Variants in VGLL3 observed in about 807,000 individuals in gnomAD.
VGLL3 encodes the protein transcription cofactor vestigial-like protein 3.
A neutral mutation model predicts 29.2 loss-of-function variants in VGLL3; 18 were observed. The observed-to-expected ratio is 0.62, with a 90% confidence interval of 0.43 to 0.91. VGLL3 has a LOEUF of 0.91. VGLL3 is among the 40% of genes least tolerant of loss of function. The probability of loss-of-function intolerance (pLI) is 0.00; values close to 1 mark genes in which losing one functional copy is unlikely to be tolerated. For missense variants in VGLL3, 440 were observed against 413.2 expected (o/e 1.06, Z -0.56); for synonymous variants, 180 against 151.8 (o/e 1.19, Z -1.36).
rs1351910079 is a variant in VGLL3, at chr3:86,981,081, T to A, written c.127-2279A>T. Among the ~76,000 whole-genome samples the A allele has an allele frequency of 2.6e-5, 4 of 152,122 alleles. No individual in the cohort carries two copies. The South Asian group carries it at 8.3e-4, about 31-fold the overall frequency. On this transcript the variant is annotated intron_variant, in intron 1 of 3. Transcript: ENST00000398399. ...AGTCAAAGTTTTATTTTATCCTTAA[T>A]TGACAGCAATTAATTCTTAGATGAA...
chr3:86,969,389 A>G (rs1705041989), intron 2 of VGLL3, among the ~76,000 whole-genome samples: 1 of 152,158 alleles, frequency 6.6e-6, no homozygotes, highest in Admixed American at 6.5e-5. Context: ...GTCTGTGCTA[A>G]GGTTTGCAAT....
At chr3:86,959,604 G>T (rs919811858) in intron 3 of VGLL3, among the ~76,000 whole-genome samples, 3 of 152,042 alleles carry the variant, frequency 2.0e-5, no homozygotes, top group African/African-American at 7.2e-5. Flanking sequence ...TCATTGTAAA[G>T]CCTGGAATTG....
rs1704363245 is a variant in VGLL3 at position 86,940,158 on chromosome 3, G to A, written c.*6866C>T. 6.6e-6 allele frequency: 1 copy of A among 152,118 alleles called. No individual in the cohort carries two copies. The highest frequency in any genetic ancestry group is 2.4e-5 in the African/African-American group (1 of 41,434). The allele number at this position is 152,118 out of a possible 1,614,324, so 9.4% of individuals were successfully genotyped here. A position where few individuals can be genotyped will look rare whatever the true frequency, so the allele number is the denominator to read the frequency against. On this transcript the variant is annotated 3_prime_UTR_variant, in exon 4 of 4. Transcript: ENST00000398399. ...TTTAGTACTTTCACATTAAAGATAC[G>A]TGTAATAAGAAAATTGAAGGCCCAC...
In VGLL3 at chr3:86,946,510, G is replaced by T. The variant is rs537310663; in HGVS notation, c.*514C>A. ...AAGCATTTTAAACATTTTTGCCAGTGCTTCTCTGAGAGCAAGTTCTTTAAA... is the reference window on the plus strand; with the variant it reads ...AAGCATTTTAAACATTTTTGCCAGTTCTTCTCTGAGAGCAAGTTCTTTAAA... On this transcript the variant is annotated 3_prime_UTR_variant, in exon 4 of 4. Coordinates refer to ENST00000398399, the MANE Select transcript of VGLL3 (RefSeq NM_016206.4). 2.6e-5 allele frequency: 4 copies of T among 152,360 alleles called. No individual in the cohort carries two copies. Among genetic ancestry groups the T allele is most frequent in the African/African-American group, 9.6e-5 (4 of 41,556 alleles). 9.4% of individuals were successfully genotyped at this position (152,360 alleles called of 1,614,324 possible).
At chr3:86,973,270 A>T (rs1303314632) in intron 2 of VGLL3, among the ~76,000 whole-genome samples, 1 of 152,224 alleles carries the variant, frequency 6.6e-6, no homozygotes, top group Non-Finnish European at 1.5e-5. Flanking sequence ...CAGAAAACAC[A>T]TTAGAATCAA....
Position 86,962,472 on chromosome 3 carries a change from T to C in VGLL3, c.937+6118A>G, listed in dbSNP as rs1021830904. ...AATGGACCACCTTACTTCATTCCTA[T>C]GGCAGTTTTGCCTACCAAACCTCAA... On this transcript the variant is annotated intron_variant, in intron 3 of 3. Coordinates refer to ENST00000398399, the MANE Select transcript of VGLL3 (RefSeq NM_016206.4). 8.1e-6 allele frequency: 8 copies of C among 985,304 alleles called. No homozygotes were observed. The African/African-American group carries it at 1.2e-4, about 15-fold the overall frequency. 61.0% of individuals were successfully genotyped at this position (985,304 alleles called of 1,614,324 possible).
chr3:86,987,789 C>T lies in VGLL3; in HGVS notation c.126+2829G>A, dbSNP rs1467082821. Among the ~76,000 whole-genome samples, 7 of 150,908 alleles carry T rather than the reference C, an allele frequency of 4.6e-5. No individual in the cohort carries two copies. In the East Asian group the frequency reaches 1.4e-3, roughly 29 times the overall value. On this transcript the variant is annotated intron_variant, in intron 1 of 3. Coordinates refer to ENST00000398399, the MANE Select transcript of VGLL3 (RefSeq NM_016206.4). Reference sequence around the variant, plus strand: ...TAGCCCACTGTATACCTAAGTAACACACTGCAGTGCAAGCTAATATATATA... The same window carrying T: ...TAGCCCACTGTATACCTAAGTAACATACTGCAGTGCAAGCTAATATATATA...
intron 3 of VGLL3, among the ~76,000 whole-genome samples, chr3:86,960,171 A>G (rs1704808200): frequency 6.6e-6 from 1 of 152,032 alleles, no homozygotes; most frequent in Non-Finnish European, 1.5e-5. Flanking sequence ...GTATATAACA[A>G]TTTTGAGAAC....
At chr3:86,983,375 TA>T (rs1705369707) in intron 1 of VGLL3, among the ~76,000 whole-genome samples, 1 of 152,144 alleles carries the variant, frequency 6.6e-6, no homozygotes, top group South Asian at 2.1e-4. Context: ...TGACCATATA[TA>T]TTTTTTTTCT....
intron 3 of VGLL3, chr3:86,962,997 A>G: frequency 4.2e-6 from 1 of 236,598 alleles, no homozygotes; most frequent in Non-Finnish European, 9.1e-6. Flanking sequence ...CAGGTGGCTG[A>G]GGCAGGACAA....
Position 86,941,685 on chromosome 3 carries a change from T to C in VGLL3, c.*5339A>G, listed in dbSNP as rs1459392736. On this transcript the variant is annotated 3_prime_UTR_variant, in exon 4 of 4. Coordinates refer to ENST00000398399, the MANE Select transcript of VGLL3 (RefSeq NM_016206.4). ...AGTATTTTTAAACAAAAAAGCACAATAGACAATAAAAGAAATAGAAAAGTT... is the reference window on the plus strand; with the variant it reads ...AGTATTTTTAAACAAAAAAGCACAACAGACAATAAAAGAAATAGAAAAGTT... 1 of 151,882 alleles carries C rather than the reference T, an allele frequency of 6.6e-6. No homozygotes were observed. The highest frequency in any genetic ancestry group is 1.5e-5 in the Non-Finnish European group (1 of 67,960). 9.4% of individuals were successfully genotyped at this position (151,882 alleles called of 1,614,324 possible).
chr3:86,981,971 C>T (rs1216085745), intron 1 of VGLL3, among the ~76,000 whole-genome samples: 1 of 152,126 alleles, frequency 6.6e-6, no homozygotes, highest in Non-Finnish European at 1.5e-5. Flanking sequence ...AATTTGCATA[C>T]TTGTTTTTAA....
At chr3:86,962,435 C>A (rs1404566962) in intron 3 of VGLL3, 4 of 985,164 alleles carry the variant, frequency 4.1e-6, no homozygotes, top group Non-Finnish European at 4.8e-6. Flanking sequence ...CACCACTCAG[C>A]CCTTCGGAAA....
chr3:86,961,176 T>C (rs577269097), intron 3 of VGLL3, among the ~76,000 whole-genome samples: 1 of 152,168 alleles, frequency 6.6e-6, no homozygotes, highest in South Asian at 2.1e-4. Flanking sequence ...GATCTACAGA[T>C]GAATACAATC....
intron 3 of VGLL3, among the ~76,000 whole-genome samples, chr3:86,955,626 G>C (rs2106976411): frequency 6.6e-6 from 1 of 152,108 alleles, no homozygotes; most frequent in South Asian, 2.1e-4. Context: ...CCTGACCTCA[G>C]GTGATCCACC....
intron 3 of VGLL3, among the ~76,000 whole-genome samples, chr3:86,965,433 A>G (rs751352471): frequency 3.9e-5 from 6 of 152,098 alleles, no homozygotes; most frequent in African/African-American, 7.2e-5. Flanking sequence ...GAGGGACCCA[A>G]CTTTCACTGT....
At chr3:86,957,438 C>A (rs139419413) in intron 3 of VGLL3, among the ~76,000 whole-genome samples, 56 of 152,254 alleles carry the variant, frequency 3.7e-4, no homozygotes, top group African/African-American at 1.3e-3. Context: ...TCGTAATGAA[C>A]CATATCTCAG....
intron 1 of VGLL3, among the ~76,000 whole-genome samples, chr3:86,982,227 C>A (rs1326788075): frequency 2.0e-5 from 3 of 152,234 alleles, no homozygotes; most frequent in African/African-American, 4.8e-5. Context: ...TCACTGCAAC[C>A]TCCGCCTCCC....
At position 86,958,844 on chromosome 3, in the gene VGLL3, T is replaced by A. The variant is rs78779637; in HGVS notation, c.937+9746A>T. ...ACGTGCCCTACACAACTAACACCAATCAAGAGTTTGTAAATATTTTAACAT... is the reference window on the plus strand; with the variant it reads ...ACGTGCCCTACACAACTAACACCAAACAAGAGTTTGTAAATATTTTAACAT... On this transcript the variant is annotated intron_variant, in intron 3 of 3. Transcript: ENST00000398399. Among the ~76,000 whole-genome samples, 700 of 152,256 alleles carry A rather than the reference T, an allele frequency of 4.6e-3. 5 individuals are homozygous for A. Among genetic ancestry groups the A allele is most frequent in the Non-Finnish European group, 7.1e-3 (481 of 68,018 alleles).
Sources: gnomAD v4.1 joint callset for allele counts (sites outside exome capture counted in the v4.1 genomes callset) on GRCh38, gnomAD v4.1.1 for gene constraint, MANE v1.5 for transcripts, NCBI Gene and HGNC (gene_info 2026-07-23, HGNC 2026-07-21) for gene names.